The following CHST15 variants were observed in gnomAD, a reference collection of about 807,000 sequenced individuals.
CHST15 encodes the protein carbohydrate sulfotransferase 15.
A neutral mutation model predicts 53.6 loss-of-function variants in CHST15; 30 were observed. The ratio of observed to expected loss-of-function variants is 0.56; its 90% CI spans 0.42 to 0.76. CHST15 has a LOEUF of 0.76. CHST15 is among the 30% of genes least tolerant of loss of function. The pLI is 0.00. For synonymous variants in CHST15, 296 were observed against 289.8 expected (o/e 1.02, Z -0.22); for missense variants, 627 against 740.5 (o/e 0.85, Z 1.78).
In CHST15 at chr10:124,044,748, G is replaced by A. The variant is rs373338090; in HGVS notation, c.718C>T (p.Leu240=). The A allele has an allele frequency of 1.2e-6, 2 of 1,613,200 alleles. No homozygotes were observed. The highest frequency in any genetic ancestry group is 2.2e-5 in the East Asian group (1 of 44,836). ...DALRKAFWGH[L]AHAHGKHFRL... is the part of the protein sequence containing the mutation. ...AAGTGCTTCCCGTGCGCGTGCGCCAGGTGGCCCCAGAAGGCCTTGCGCAGG... is the reference window on the plus strand; with the variant it reads ...AAGTGCTTCCCGTGCGCGTGCGCCAAGTGGCCCCAGAAGGCCTTGCGCAGG... The change falls in exon 3 of 8, where the codon CTG becomes TTG. Residue 240 remains leucine (L), a synonymous_variant. Coordinates refer to ENST00000435907, the MANE Select transcript of CHST15 (RefSeq NM_001270764.2).
chr10:124,044,321 C>T (rs1260414517), intron 3 of CHST15, among the ~76,000 whole-genome samples: 2 of 152,176 alleles, frequency 1.3e-5, no homozygotes, highest in Admixed American at 6.5e-5. Flanking sequence ...GTCATGTGCC[C>T]GGGCTTTCGG....
chr10:124,019,602 T>A lies in CHST15; in HGVS notation c.1347+1654A>T. 1 of 256,392 alleles carries A rather than the reference T, an allele frequency of 3.9e-6. No homozygotes were observed. The highest frequency in any genetic ancestry group is 6.1e-6 in the Non-Finnish European group (1 of 163,072). The allele number at this position is 256,392 out of a possible 1,614,324, so 15.9% of individuals were successfully genotyped here. On this transcript the variant is annotated intron_variant, in intron 6 of 7. Coordinates refer to ENST00000435907, the MANE Select transcript of CHST15 (RefSeq NM_001270764.2). The surrounding 1 kb of genome is among the most constrained non-coding windows in gnomAD (Gnocchi z 4.6). ...CCGTTTCTCCGGGTCTCCGTTTCCT[T>A]ATGAAGGCTCCCTCCCGGGTTACAT...
intron 5 of CHST15, among the ~76,000 whole-genome samples, chr10:124,025,510 G>C (rs1255319341): frequency 1.3e-5 from 2 of 152,152 alleles, no homozygotes; most frequent in African/African-American, 4.8e-5. Context: ...ACTATGCTGG[G>C]TCCCTGGCAT....
At chr10:124,059,043 G>A (rs1219664255) in intron 1 of CHST15, among the ~76,000 whole-genome samples, 2 of 152,192 alleles carry the variant, frequency 1.3e-5, no homozygotes, top group Admixed American at 6.5e-5. Context: ...AGGACAGCGA[G>A]CTGGCCTAGG....
chr10:124,050,917 C>A (rs1341771048), intron 1 of CHST15, among the ~76,000 whole-genome samples: 1 of 151,840 alleles, frequency 6.6e-6, no homozygotes, highest in Non-Finnish European at 1.5e-5. Flanking sequence ...GGGATTTGCT[C>A]GAGTGCAAGA....
Position 124,038,528 on chromosome 10 carries a change from C to G in CHST15, c.1177G>C (p.Asp393His). The stretch of plus-strand genomic sequence containing the variant: ...GAAACTGCTCACCTCTCCACAGGGT[C>G]CCTGAGCATGACAATCAGTCTGGCA... ...PNARLIVMLRDPVERLYSDYL... is the reference protein window; with the variant it reads ...PNARLIVMLRHPVERLYSDYL... The change falls in exon 5 of 8, where the codon GAC (aspartate) becomes CAC (histidine). Residue 393 changes from aspartate to histidine, a missense_variant. Asp to His is a moderately conservative substitution (Grantham distance 81). Around this residue, in one of 3 missense-constraint regions of CHST15, gnomAD observed 279 missense variants for 371.6 expected, o/e 0.75. Coordinates refer to ENST00000435907, the MANE Select transcript of CHST15 (RefSeq NM_001270764.2). 1.2e-6 allele frequency: 2 copies of G among 1,614,238 alleles called. No homozygotes were observed. The highest frequency in any genetic ancestry group is 1.7e-6 in the Non-Finnish European group (2 of 1,180,044).
At chr10:124,073,565 A>C (rs1215524985) in intron 1 of CHST15, among the ~76,000 whole-genome samples, 2 of 152,108 alleles carry the variant, frequency 1.3e-5, no homozygotes, top group Non-Finnish European at 2.9e-5. Flanking sequence ...TGAAGGTTAT[A>C]CTCCAATTCC....
At chr10:124,057,655 C>T (rs2134079217) in intron 1 of CHST15, among the ~76,000 whole-genome samples, 1 of 152,312 alleles carries the variant, frequency 6.6e-6, no homozygotes, top group East Asian at 1.9e-4. Context: ...CCGTGAAGCC[C>T]ACCCAGCCCC....
At chr10:124,034,706 CA>C (rs1947368839) in intron 5 of CHST15, among the ~76,000 whole-genome samples, 1 of 134,082 alleles carries the variant, frequency 7.5e-6, no homozygotes, top group African/African-American at 2.9e-5. Flanking sequence ...CACCCCCTAA[CA>C]GGGACCCCGG....
intron 1 of CHST15, among the ~76,000 whole-genome samples, chr10:124,078,454 G>C (rs773058898): frequency 6.6e-6 from 1 of 152,180 alleles, no homozygotes; most frequent in Non-Finnish European, 1.5e-5. Flanking sequence ...AATGCAGCCT[G>C]GTTTCCATTA....
At chr10:124,049,590 C>A (rs1486419639) in intron 1 of CHST15, among the ~76,000 whole-genome samples, 2 of 152,238 alleles carry the variant, frequency 1.3e-5, no homozygotes, top group Non-Finnish European at 2.9e-5. Context: ...GCTCAGGCAG[C>A]TTCCAGGTTG....
rs1946337186 is a variant in CHST15 at position 124,008,906 on chromosome 10, T to C, written c.*1243A>G. 7.8e-7 allele frequency: 1 copy of C among 1,287,794 alleles called. No individual in the cohort carries two copies. The highest frequency in any genetic ancestry group is 1.0e-6 in the Non-Finnish European group (1 of 987,516). 79.8% of individuals were successfully genotyped at this position (1,287,794 alleles called of 1,614,324 possible). ...ACAAGATCTCTAGCCCATCCATCGG[T>C]AAACCAAGCTGCCAAGTGGCCTGGA... is the stretch of plus-strand genomic sequence containing the variant. On this transcript the variant is annotated 3_prime_UTR_variant, in exon 8 of 8. Coordinates refer to ENST00000435907, the MANE Select transcript of CHST15 (RefSeq NM_001270764.2).
chr10:124,039,988 G>A (rs553347093), intron 4 of CHST15, among the ~76,000 whole-genome samples: 1 of 152,142 alleles, frequency 6.6e-6, no homozygotes, highest in Non-Finnish European at 1.5e-5. Context: ...ATCACATCCA[G>A]GTGAACAGCT....
Position 124,021,421 on chromosome 10 carries a change from A to G in CHST15, c.1191-9T>C. On this transcript the variant is annotated splice_polypyrimidine_tract_variant and intron_variant, in intron 5 of 7. Transcript: ENST00000435907. ...GATAGTCTGAGTACAACCTGTGAAT[A>G]AAATAAATGCATATTTTTACCACCC... 1 of 1,602,572 alleles carries G rather than the reference A, an allele frequency of 6.2e-7. No homozygotes were observed. Among genetic ancestry groups the G allele is most frequent in the Non-Finnish European group, 8.5e-7 (1 of 1,171,462 alleles).
In CHST15 at chr10:124,060,369, C is replaced by T. The variant is rs78663594; in HGVS notation, c.-512-13645G>A. 2.7e-3 allele frequency among the ~76,000 whole-genome samples: 405 copies of T among 149,666 alleles called. 1 individual carries two copies. Among genetic ancestry groups the T allele is most frequent in the Non-Finnish European group, 4.7e-3 (315 of 67,294 alleles). ...GGAATGTGCAAAGGTGTGTCCCCCC[C>T]GAATGTGCGAAGGTGTGCCAGGCCC... On this transcript the variant is annotated intron_variant, in intron 1 of 7. Transcript: ENST00000435907.
intron 1 of CHST15, among the ~76,000 whole-genome samples, chr10:124,083,239 G>T (rs1426638640): frequency 6.6e-6 from 1 of 152,096 alleles, no homozygotes; most frequent in Admixed American, 6.5e-5. Flanking sequence ...GTGATCCAGC[G>T]GGTGACTTCC....
At chr10:124,093,131 G>A (rs1251463011) in intron 1 of CHST15, among the ~76,000 whole-genome samples, 1 of 152,194 alleles carries the variant, frequency 6.6e-6, no homozygotes, top group Non-Finnish European at 1.5e-5. Context: ...AGGACCAATG[G>A]CGAAGGGACT....
intron 1 of CHST15, among the ~76,000 whole-genome samples, chr10:124,085,339 C>T (rs1197131329): frequency 2.0e-5 from 3 of 152,204 alleles, no homozygotes; most frequent in African/African-American, 4.8e-5. Context: ...ATTTCCATAA[C>T]ATTTTCCCCT....
intron 5 of CHST15, among the ~76,000 whole-genome samples, chr10:124,026,742 T>G (rs541667607): frequency 3.3e-5 from 5 of 152,120 alleles, no homozygotes; most frequent in Non-Finnish European, 5.9e-5. Context: ...TTGCTTTCAG[T>G]GCTGGGCACC....
Sources: gnomAD v4.1 joint callset for allele counts (sites outside exome capture counted in the v4.1 genomes callset) on GRCh38, gnomAD v4.1.1 for gene constraint, gnomAD v4.1.1 regional missense constraint, Gnocchi (gnomAD v3.1) non-coding constraint, MANE v1.5 for transcripts, NCBI Gene and HGNC (gene_info 2026-07-23, HGNC 2026-07-21) for gene names.